The following UBTF variants were observed in gnomAD, a reference collection of about 807,000 sequenced individuals.
The protein encoded by UBTF is upstream binding transcription factor.
A neutral mutation model predicts 112.3 loss-of-function variants in UBTF; 8 were observed. The observed-to-expected ratio is 0.07, with a 90% CI of 0.04 to 0.13. UBTF has a LOEUF of 0.13. UBTF is among the 10% of genes least tolerant of loss of function. UBTF has a pLI of 1.00. For synonymous variants in UBTF, 417 were observed against 373.1 expected, an observed-to-expected ratio of 1.12 and a Z score of -1.36; for missense variants, 457 against 982.1, an observed-to-expected ratio of 0.47 and a Z score of 7.15.
At chr17:44,218,413 C>T (rs1296253779) in intron 1 of UBTF, 117 bp from the exon 2 acceptor site, 14 of 618,400 alleles carry the variant, frequency 2.3e-5, no homozygotes, top group Non-Finnish European at 3.7e-5. Context: ...CAGCCATGAC[C>T]TTATTAGACT....
chr17:44,207,320 C>T lies in UBTF; in HGVS notation c.2217G>A (p.Glu739=), dbSNP rs745419301. ...TGCCCTCGGACTCATTATCTTCATC[C>T]TCATCGTCATCCTCGTCGTCGTCTT... ...EDEDDDEDDD[E]DEDNESEGSS... Residue 739 remains glutamate, a synonymous_variant, in exon 21 of 21, where the codon GAG becomes GAA. Coordinates refer to ENST00000436088, the MANE Select transcript of UBTF (RefSeq NM_014233.4). The T allele has an allele frequency of 7.4e-6, 12 of 1,612,516 alleles. No homozygotes were observed. Among genetic ancestry groups the T allele is most frequent in the South Asian group, 1.1e-5 (1 of 90,796 alleles).
chr17:44,216,969 A>C (rs2269906), intron 2 of UBTF, among the ~76,000 whole-genome samples: 77,887 of 152,142 alleles, frequency 0.51, 24,325 homozygotes, highest in African/African-American at 0.87. Flanking sequence ...ATTATCATTT[A>C]TACTGTGCCA....
chr17:44,219,693 GC>G (rs1297392747), upstream of UBTF: 4 of 151,654 alleles, frequency 2.6e-5, no homozygotes. Context: ...AGCGCCCTCC[GC>G]CTGCAGGCAG....
At chr17:44,208,896 T>C (rs2144527751) in intron 17 of UBTF, 1 of 355,724 alleles carries the variant, frequency 2.8e-6, no homozygotes, top group East Asian at 1.2e-4. Context: ...TTTAAAAGGG[T>C]GATAGTGGCT....
At position 44,211,464 on chromosome 17, in the gene UBTF, C is replaced by T; in HGVS notation, c.1048-133G>A. On this transcript the variant is annotated intron_variant, in intron 10 of 20. Transcript: ENST00000436088. The surrounding 1 kb of genome is among the most constrained non-coding windows in gnomAD (Gnocchi z 4.9). Reference sequence around the variant, plus strand: ...GCTGGACTCCCTGCCTGGACGGGCTCAGTTGCTAAGCCCAGCCCAGCCCCA... The same window carrying T: ...GCTGGACTCCCTGCCTGGACGGGCTTAGTTGCTAAGCCCAGCCCAGCCCCA... The T allele has an allele frequency of 6.4e-7, 1 of 1,559,006 alleles. No individual in the cohort carries two copies. The highest frequency in any genetic ancestry group is 8.8e-7 in the Non-Finnish European group (1 of 1,141,040).
chr17:44,212,750 G>A lies in UBTF; in HGVS notation c.660+69C>T, dbSNP rs868491257. 126 of 1,593,362 alleles carry A rather than the reference G, an allele frequency of 7.9e-5. 2 individuals are homozygous for A. The Middle Eastern group carries it at 2.7e-3, about 34-fold the overall frequency. On this transcript the variant is annotated intron_variant, in intron 7 of 20. Transcript: ENST00000436088. ...CTGCTCCCCTGCACCGTGCCCGGCC[G>A]ACCTGGCGCGGCTCCCCCCTGGCCA...
At chr17:44,210,275 C>A in intron 14 of UBTF, 41 bp from the exon 15 acceptor site, 2 of 1,614,244 alleles carry the variant, frequency 1.2e-6, no homozygotes, top group Non-Finnish European at 1.7e-6. Flanking sequence ...AGGGGTCACC[C>A]GGGGCTAGAG....
intron 7 of UBTF, 74 bp downstream of exon 7, chr17:44,212,745 C>G (rs565198358): frequency 1.3e-6 from 2 of 1,588,094 alleles, no homozygotes; most frequent in Non-Finnish European, 1.7e-6. Context: ...GCACCGTGCC[C>G]GGCCGACCTG....
chr17:44,218,956 G>A (rs1427359128), intron 1 of UBTF: 2 of 142,052 alleles, frequency 1.4e-5, no homozygotes, highest in African/African-American at 5.2e-5. Flanking sequence ...CCGCCCCCGA[G>A]CCACCCACCC....
intron 15 of UBTF, 68 bp downstream of exon 15, chr17:44,210,056 A>G: frequency 6.5e-7 from 1 of 1,528,660 alleles, no homozygotes. Flanking sequence ...CTTCTTGCTC[A>G]GAGCTGCCCA....
chr17:44,208,338 A>C (rs905097175), intron 17 of UBTF, among the ~76,000 whole-genome samples: 4 of 152,096 alleles, frequency 2.6e-5, no homozygotes, highest in Non-Finnish European at 5.9e-5. Context: ...TCCTGGCCTC[A>C]AGTGATCCTT....
chr17:44,208,986 A>G, intron 17 of UBTF: 1 of 320,834 alleles, frequency 3.1e-6, no homozygotes, highest in Non-Finnish European at 6.2e-6. Flanking sequence ...GGAGTTCGAG[A>G]CCAGCCTGCC....
chr17:44,216,212 A>G, intron 3 of UBTF: 1 of 605,290 alleles, frequency 1.7e-6, no homozygotes, highest in Non-Finnish European at 2.9e-6. Flanking sequence ...AAGGCCAGCA[A>G]CAAGGGGACT....
Position 44,210,458 on chromosome 17 carries a change from G to C in UBTF, c.1375C>G (p.Arg459Gly). Residue 459 changes from arginine (R) to glycine (G), a missense_variant, in exon 14 of 21, where the codon CGA (arginine) becomes GGA (glycine). Physicochemically the swap from Arg to Gly is moderately radical, Grantham distance 125. Transcript: ENST00000436088. ...SEKKKAKYKA[R>G]EAALKAQSER... is the part of the protein sequence containing the mutation. Reference sequence around the variant, plus strand: ...GACTGAGCCTTGAGCGCCGCCTCTCGGGCCTTGTACTTGGCCTGCGGGGAT... The same window carrying C: ...GACTGAGCCTTGAGCGCCGCCTCTCCGGCCTTGTACTTGGCCTGCGGGGAT... The C allele has an allele frequency of 6.2e-7, 1 of 1,610,938 alleles. No individual in the cohort carries two copies. Among genetic ancestry groups the C allele is most frequent in the Non-Finnish European group, 8.5e-7 (1 of 1,179,576 alleles).
At chr17:44,210,028 CACAGACCA>C in intron 15 of UBTF, 88 bp downstream of exon 15, 1 of 1,305,842 alleles carries the variant, frequency 7.7e-7, no homozygotes, top group African/African-American at 1.5e-5. Flanking sequence ...TGCTGAGAGT[CACAGACCA>C]AGGCTGGGAC....
At position 44,211,266 on chromosome 17, in the gene UBTF, C is replaced by G. The variant is rs1347020318; in HGVS notation, c.1089+24G>C. On this transcript the variant is annotated intron_variant, in intron 11 of 20. Coordinates refer to ENST00000436088, the MANE Select transcript of UBTF (RefSeq NM_014233.4). This position sits in a 1 kb window ranked among gnomAD's most constrained non-coding sequence, Gnocchi z 4.9. The stretch of plus-strand genomic sequence containing the variant: ...GCCAAGTCCCAGTCTTCTCTGCCCA[C>G]TGCCCCACCGGAGGAACACTCACCT... The G allele has an allele frequency of 3.1e-6, 5 of 1,614,146 alleles. No homozygotes were observed. The highest frequency in any genetic ancestry group is 4.2e-6 in the Non-Finnish European group (5 of 1,180,056).
intron 15 of UBTF, among the ~76,000 whole-genome samples, 161 bp from the exon 16 acceptor site, chr17:44,209,894 G>C (rs1011319449): frequency 6.6e-6 from 1 of 152,202 alleles, no homozygotes; most frequent in Non-Finnish European, 1.5e-5. Context: ...CACGTCTGAG[G>C]CAGGCACCAC....
rs768654967 is a variant in UBTF, at chr17:44,216,510, GA to G, written c.234+18del. 5.6e-6 allele frequency: 9 copies of G among 1,613,586 alleles called. No individual in the cohort carries two copies. The African/African-American group carries it at 9.3e-5, about 17-fold the overall frequency. ...GAGTGGGGGGTATGTGTGTATGTCA[GA>G]AAAGGGGGATCAGTTACCTCATTAG... On this transcript the variant is annotated intron_variant, in intron 3 of 20. Coordinates refer to ENST00000436088, the MANE Select transcript of UBTF (RefSeq NM_014233.4).
chr17:44,209,277 G>A, intron 17 of UBTF, 75 bp downstream of exon 17: 1 of 1,457,784 alleles, frequency 6.9e-7, no homozygotes, highest in Non-Finnish European at 9.2e-7. Context: ...CAAGTGGGTG[G>A]ATGGGCCAGG....
Sources: gnomAD v4.1 joint callset for allele counts (sites outside exome capture counted in the v4.1 genomes callset) on GRCh38, gnomAD v4.1.1 for gene constraint, Gnocchi (gnomAD v3.1) non-coding constraint, MANE v1.5 for transcripts, NCBI Gene and HGNC (gene_info 2026-07-23, HGNC 2026-07-21) for gene names.